Variants in SDK1 observed in about 807,000 individuals in gnomAD.
The protein encoded by SDK1 is sidekick cell adhesion molecule 1, also known as protein sidekick-1.
In SDK1, 157 loss-of-function variants were observed where a neutral mutation model predicts 245.5. That is an observed-to-expected ratio of 0.64 (90% CI 0.56 to 0.73). The LOEUF is 0.73. Among genes scored for constraint, SDK1 ranks in the 30% least tolerant of loss-of-function variants. The probability of loss-of-function intolerance (pLI) is 0.00; values close to 1 mark genes in which losing one functional copy is unlikely to be tolerated. For synonymous variants in SDK1, 1,647 were observed against 1,278.5 expected (o/e 1.29, Z -6.15); for missense variants, 3,583 against 3,002.3 (o/e 1.19, Z -4.52).
rs546368860 is a variant in SDK1, at chr7:3,464,390, G to A, written c.299-154690G>A. Among the ~76,000 whole-genome samples, 3 of 152,200 alleles carry A rather than the reference G, an allele frequency of 2.0e-5. No individual in the cohort carries two copies. In the South Asian group the frequency reaches 6.2e-4, roughly 32 times the overall value. On this transcript the variant is annotated intron_variant, in intron 1 of 44. Coordinates refer to ENST00000404826, the MANE Select transcript of SDK1 (RefSeq NM_152744.4). The stretch of plus-strand genomic sequence containing the variant: ...ATTTAAAAATTGGCCCAGTGTAGTG[G>A]CATGCCTGTAGCCCCAGCTACACAG...
intron 4 of SDK1, among the ~76,000 whole-genome samples, chr7:3,674,938 TG>T (rs1455782507): frequency 6.6e-6 from 1 of 152,168 alleles, no homozygotes; most frequent in African/African-American, 2.4e-5. Flanking sequence ...GTATCCTTCC[TG>T]ACCCCTGTGG....
At chr7:4,078,986 C>T (rs1780881109) in intron 21 of SDK1, among the ~76,000 whole-genome samples, 1 of 152,154 alleles carries the variant, frequency 6.6e-6, no homozygotes, top group Non-Finnish European at 1.5e-5. Context: ...GCGATCCTGA[C>T]CGGGTGTCAC....
At chr7:4,059,143 G>A (rs1348893834) in intron 19 of SDK1, among the ~76,000 whole-genome samples, 4 of 151,352 alleles carry the variant, frequency 2.6e-5, no homozygotes, top group African/African-American at 9.8e-5. Context: ...CTGGCTGAAT[G>A]GATAAAAACA....
chr7:4,206,794 C>A (rs1261638588), intron 36 of SDK1, among the ~76,000 whole-genome samples: 1 of 152,130 alleles, frequency 6.6e-6, no homozygotes, highest in Non-Finnish European at 1.5e-5. Context: ...TGCTGGGACC[C>A]AAGTCGATCA....
chr7:4,066,989 G>A (rs1048273094), intron 19 of SDK1, among the ~76,000 whole-genome samples: 3 of 152,332 alleles, frequency 2.0e-5, no homozygotes, highest in Non-Finnish European at 2.9e-5. Flanking sequence ...TTTATGTTCT[G>A]ATGAGAGGTT....
chr7:3,687,157 A>C (rs968602294), intron 4 of SDK1, among the ~76,000 whole-genome samples: 4 of 147,074 alleles, frequency 2.7e-5, no homozygotes, highest in South Asian at 2.2e-4. Context: ...TGTTCACACA[A>C]AAGTCTGTAC....
intron 1 of SDK1, among the ~76,000 whole-genome samples, chr7:3,582,316 C>T (rs578075322): frequency 1.3e-5 from 2 of 149,554 alleles, no homozygotes; most frequent in East Asian, 4.0e-4. Context: ...TCAGGTAGGT[C>T]TGTCTCAGGT....
chr7:3,387,257 G>C (rs892425358), intron 1 of SDK1, among the ~76,000 whole-genome samples: 1 of 152,054 alleles, frequency 6.6e-6, no homozygotes, highest in African/African-American at 2.4e-5. Context: ...AGAAGGCATA[G>C]AGCACCTTTA....
intron 4 of SDK1, among the ~76,000 whole-genome samples, chr7:3,654,045 T>A (rs1303305810): frequency 6.6e-6 from 1 of 152,152 alleles, no homozygotes; most frequent in Non-Finnish European, 1.5e-5. Flanking sequence ...TTTCTGTGGC[T>A]CTCTGGCTGG....
intron 1 of SDK1, among the ~76,000 whole-genome samples, chr7:3,501,841 A>T (rs956714222): frequency 6.6e-6 from 1 of 152,110 alleles, no homozygotes; most frequent in African/African-American, 2.4e-5. Context: ...ATTACTCTTG[A>T]TGTTCTCTAA....
chr7:3,439,809 C>T (rs1433996902), intron 1 of SDK1, among the ~76,000 whole-genome samples: 1 of 152,170 alleles, frequency 6.6e-6, no homozygotes, highest in Non-Finnish European at 1.5e-5. Flanking sequence ...ATGGCCATGA[C>T]AGCTTTAACT....
At chr7:3,559,007 G>C (rs1165584355) in intron 1 of SDK1, among the ~76,000 whole-genome samples, 2 of 152,142 alleles carry the variant, frequency 1.3e-5, no homozygotes, top group Non-Finnish European at 2.9e-5. Flanking sequence ...AGGAATGGCT[G>C]ATTGTTTTAA....
chr7:3,716,895 A>T (rs1297673923), intron 4 of SDK1, among the ~76,000 whole-genome samples: 1 of 152,210 alleles, frequency 6.6e-6, no homozygotes, highest in Non-Finnish European at 1.5e-5. Context: ...GCTTGCAACT[A>T]CAGAAAAGAA....
chr7:3,762,992 G>T (rs537447348), intron 4 of SDK1, among the ~76,000 whole-genome samples: 23 of 152,156 alleles, frequency 1.5e-4, no homozygotes, highest in African/African-American at 5.3e-4. Context: ...TCTTTTGCTT[G>T]GCACGTGATA....
Position 3,861,872 on chromosome 7 carries a change from G to A in SDK1, c.847+40289G>A, listed in dbSNP as rs145182013. On this transcript the variant is annotated intron_variant, in intron 5 of 44. Coordinates refer to ENST00000404826, the MANE Select transcript of SDK1 (RefSeq NM_152744.4). The stretch of plus-strand genomic sequence containing the variant: ...TGATTACTGAATTAAAAGAGTTTGT[G>A]TTTATCTGTCCCAGTGTAAAGGTGG... 6.6e-5 allele frequency among the ~76,000 whole-genome samples: 10 copies of A among 152,300 alleles called. No homozygotes were observed. In the East Asian group the frequency reaches 1.9e-3, roughly 29 times the overall value.
intron 5 of SDK1, among the ~76,000 whole-genome samples, chr7:3,912,782 A>G (rs1165363728): frequency 2.0e-5 from 3 of 152,348 alleles, no homozygotes; most frequent in African/African-American, 7.2e-5. Context: ...AAGGAGACCT[A>G]AGGGACTTGG....
At chr7:3,668,514 G>A (rs1158044219) in intron 4 of SDK1, among the ~76,000 whole-genome samples, 4 of 152,308 alleles carry the variant, frequency 2.6e-5, no homozygotes, top group Non-Finnish European at 4.4e-5. Flanking sequence ...AGTGGCTCAC[G>A]CTTGTGATCT....
intron 5 of SDK1, among the ~76,000 whole-genome samples, chr7:3,867,672 C>G (rs992425622): frequency 6.6e-6 from 1 of 152,178 alleles, no homozygotes; most frequent in Non-Finnish European, 1.5e-5. Context: ...TACCTCCCAC[C>G]AGGTCCCTCC....
At position 3,704,365 on chromosome 7, in the gene SDK1, T is replaced by G. The variant is rs192311870; in HGVS notation, c.713+62260T>G. ...GATGAGGATCCATGCCAATATCGATTTTTTTTTTTTTTACTTTTTAATAAT... is the reference window on the plus strand; with the variant it reads ...GATGAGGATCCATGCCAATATCGATGTTTTTTTTTTTTACTTTTTAATAAT... On this transcript the variant is annotated intron_variant, in intron 4 of 44. Coordinates refer to ENST00000404826, the MANE Select transcript of SDK1 (RefSeq NM_152744.4). Among the ~76,000 whole-genome samples, 1,022 of 147,046 alleles carry G rather than the reference T, an allele frequency of 7.0e-3. 14 individuals are homozygous for G. Among genetic ancestry groups the G allele is most frequent in the African/African-American group, 0.025 (977 of 39,440 alleles).
Sources: gnomAD v4.1 joint callset for allele counts (sites outside exome capture counted in the v4.1 genomes callset) on GRCh38, gnomAD v4.1.1 for gene constraint, MANE v1.5 for transcripts, NCBI Gene and HGNC (gene_info 2026-07-23, HGNC 2026-07-21) for gene names.